Variants in TNXB observed in about 807,000 individuals in gnomAD.
TNXB encodes tenascin XB, also known as tenascin-X.
Under a neutral mutation model 340.5 loss-of-function variants are expected in TNXB, and 183 were observed. The observed-to-expected ratio is 0.54, with a 90% CI of 0.48 to 0.61. The LOEUF (loss-of-function observed/expected upper bound fraction) is 0.61, where lower values mean the gene tolerates loss of function less well. TNXB is among the 20% of genes least tolerant of loss of function. The probability of loss-of-function intolerance (pLI) is 0.00; values close to 1 mark genes in which losing one functional copy is unlikely to be tolerated. For missense variants in TNXB, 4,613 were observed against 5,446.4 expected (o/e 0.85, Z 4.82); for synonymous variants, 2,121 against 2,314.5 (o/e 0.92, Z 2.40).
Position 32,072,038 on chromosome 6 carries a change from T to TC in TNXB, c.4941dup (p.Ile1648AspfsTer21). 6.2e-7 allele frequency: 1 copy of TC among 1,609,962 alleles called. No individual in the cohort carries two copies. The highest frequency in any genetic ancestry group is 8.5e-7 in the Non-Finnish European group (1 of 1,178,118). ...GGGCTGCGTCGTTTCCCATCCTGGA[T>TC]CCCAAAGAGCAGGAACTTGTACTTG... On this transcript the variant is annotated frameshift_variant, in exon 13 of 44. Coordinates refer to ENST00000644971, the MANE Select transcript of TNXB (RefSeq NM_001365276.2). LOFTEE classifies it high-confidence loss of function. This position sits in a 1 kb window ranked among gnomAD's most constrained non-coding sequence, Gnocchi z 4.4.
Position 32,098,276 on chromosome 6 carries a change from C to T in TNXB, c.-8-70G>A, listed in dbSNP as rs571995194. The T allele has an allele frequency of 7.8e-6, 10 of 1,285,834 alleles. No homozygotes were observed. In the South Asian group the frequency reaches 1.6e-4, roughly 20 times the overall value. The allele number at this position is 1,285,834 out of a possible 1,614,324, so 79.7% of individuals were successfully genotyped here. On this transcript the variant is annotated intron_variant, in intron 1 of 43. Transcript: ENST00000644971. The stretch of plus-strand genomic sequence containing the variant: ...ACAAAATGAATCCCCCCTTCTCCAG[C>T]ACATACCCACGGTCCCACCACCCAC...
rs898473114 is a variant in TNXB at position 32,081,715 on chromosome 6, TG to T, written c.3737-43del. The T allele has an allele frequency of 1.4e-5, 20 of 1,451,770 alleles. No homozygotes were observed. The highest frequency in any genetic ancestry group is 1.2e-4 in the Admixed American group (6 of 48,146). The allele number at this position is 1,451,770 out of a possible 1,614,324, so 89.9% of individuals were successfully genotyped here. A position where few individuals can be genotyped will look rare whatever the true frequency, so the allele number is the denominator to read the frequency against. On this transcript the variant is annotated intron_variant, in intron 9 of 43. Coordinates refer to ENST00000644971, the MANE Select transcript of TNXB (RefSeq NM_001365276.2). The surrounding 1 kb of genome is among the most constrained non-coding windows in gnomAD (Gnocchi z 5.1). ...CCAGCCAGGTGCTGAACTGGCAGCCTGGGACTGGGGCTTGGGGTTTCGACGG... is the reference window on the plus strand; with the variant it reads ...CCAGCCAGGTGCTGAACTGGCAGCCTGGACTGGGGCTTGGGGTTTCGACGG...
rs763717570 is a variant in TNXB at position 32,082,339 on chromosome 6, G to C, written c.3446-13C>G. On this transcript the variant is annotated splice_polypyrimidine_tract_variant and intron_variant, in intron 8 of 43. Transcript: ENST00000644971. This position sits in a 1 kb window ranked among gnomAD's most constrained non-coding sequence, Gnocchi z 5.0. Reference sequence around the variant, plus strand: ...TCACTCTGAGGCACTAGGAAGAGTGGGTAGAGAGAAGGGAGAGACTTAGGT... The same window carrying C: ...TCACTCTGAGGCACTAGGAAGAGTGCGTAGAGAGAAGGGAGAGACTTAGGT... 1.3e-6 allele frequency: 2 copies of C among 1,578,460 alleles called. No individual in the cohort carries two copies. Among genetic ancestry groups the C allele is most frequent in the South Asian group, 2.3e-5 (2 of 87,052 alleles).
At position 32,049,990 on chromosome 6, in the gene TNXB, T is replaced by C. The variant is rs200282568; in HGVS notation, c.9439+8A>G. On this transcript the variant is annotated splice_region_variant and intron_variant, in intron 27 of 43. Coordinates refer to ENST00000644971, the MANE Select transcript of TNXB (RefSeq NM_001365276.2). The surrounding 1 kb of genome is among the most constrained non-coding windows in gnomAD (Gnocchi z 4.5). ...GCTCCCACCCTGGGGCTCCCATCAT[T>C]CACTCACCCGTCACCCCAATGGCAG... 837 of 1,612,744 alleles carry C rather than the reference T, an allele frequency of 5.2e-4. 3 individuals carry two copies. Among genetic ancestry groups the C allele is most frequent in the Middle Eastern group, 1.8e-3 (11 of 6,058 alleles).
At position 32,084,401 on chromosome 6, in the gene TNXB, G is replaced by A. The variant is rs1261563409; in HGVS notation, c.3445+12C>T. ...GCAGTACAGAGGGCAGGGTGTTACTGCTGTCACTCACAGATCTTGGCTTCA... is the reference window on the plus strand; with the variant it reads ...GCAGTACAGAGGGCAGGGTGTTACTACTGTCACTCACAGATCTTGGCTTCA... On this transcript the variant is annotated intron_variant, in intron 8 of 43. Coordinates refer to ENST00000644971, the MANE Select transcript of TNXB (RefSeq NM_001365276.2). This position sits in a 1 kb window ranked among gnomAD's most constrained non-coding sequence, Gnocchi z 5.5. 8 of 1,575,594 alleles carry A rather than the reference G, an allele frequency of 5.1e-6. No individual in the cohort carries two copies. The Admixed American group carries it at 8.5e-5, about 17-fold the overall frequency.
intron 3 of TNXB, 63 bp from the exon 4 acceptor site, chr6:32,095,254 C>G: frequency 7.8e-7 from 1 of 1,280,006 alleles, no homozygotes; most frequent in African/African-American, 1.5e-5. Context: ...CACCCACAGC[C>G]CCTTTTACTC....
Position 32,051,023 on chromosome 6 carries a change from G to A in TNXB, c.9116-702C>T, listed in dbSNP as rs930229832. Among the ~76,000 whole-genome samples, 6 of 152,076 alleles carry A rather than the reference G, an allele frequency of 3.9e-5. No individual in the cohort carries two copies. Among genetic ancestry groups the A allele is most frequent in the Admixed American group, 2.0e-4 (3 of 15,272 alleles). On this transcript the variant is annotated intron_variant, in intron 26 of 43. Coordinates refer to ENST00000644971, the MANE Select transcript of TNXB (RefSeq NM_001365276.2). The surrounding 1 kb of genome is among the most constrained non-coding windows in gnomAD (Gnocchi z 4.7). ...GGCCTCCTCTGCTCCCACACTTCAGGACTATCTATTCACTGCAAAGGACAC... is the reference window on the plus strand; with the variant it reads ...GGCCTCCTCTGCTCCCACACTTCAGAACTATCTATTCACTGCAAAGGACAC...
intron 1 of TNXB, among the ~76,000 whole-genome samples, chr6:32,099,396 C>G (rs1427206136): frequency 2.0e-5 from 3 of 152,090 alleles, no homozygotes; most frequent in African/African-American, 7.2e-5. Context: ...CCATGCCCAG[C>G]TAATTTTTGT....
In TNXB at chr6:32,042,465, C is replaced by T. The variant is rs1347099805; in HGVS notation, c.12200G>A (p.Gly4067Asp). The change falls in exon 40 of 44, where the codon GGC (glycine) becomes GAC (aspartate). Residue 4067 changes from glycine to aspartate, a missense_variant. Coordinates refer to ENST00000644971, the MANE Select transcript of TNXB (RefSeq NM_001365276.2). ...CCCAATGCCACCCACCAGCCAGCCG[C>T]CCCCATCAGTCTCCATGTCGCAAAA... ...NVFCDMETDGGGWLVFQRRMD... is the reference protein window; with the variant it reads ...NVFCDMETDGDGWLVFQRRMD... 3.1e-6 allele frequency: 5 copies of T among 1,612,224 alleles called. No homozygotes were observed. The highest frequency in any genetic ancestry group is 4.2e-6 in the Non-Finnish European group (5 of 1,179,904).
At chr6:32,077,440 T>G (rs1779140530) in intron 11 of TNXB, among the ~76,000 whole-genome samples, 1 of 152,272 alleles carries the variant, frequency 6.6e-6, no homozygotes, top group African/African-American at 2.4e-5. Context: ...TTCTCTACTT[T>G]TAATTTTTTA....
At position 32,058,531 on chromosome 6, in the gene TNXB, G is replaced by A. The variant is rs1204397957; in HGVS notation, c.7493-141C>T. 1.4e-6 allele frequency: 1 copy of A among 717,330 alleles called. No homozygotes were observed. Among genetic ancestry groups the A allele is most frequent in the South Asian group, 2.3e-5 (1 of 44,002 alleles). The allele number at this position is 717,330 out of a possible 1,614,324, so 44.4% of individuals were successfully genotyped here. A position where few individuals can be genotyped will look rare whatever the true frequency, so the allele number is the denominator to read the frequency against. Reference sequence around the variant, plus strand: ...GGGGCAGCTTTGTGTTCGCCGTTCAGTGACTCTTGGAATAAGAGCCGGTGA... The same window carrying A: ...GGGGCAGCTTTGTGTTCGCCGTTCAATGACTCTTGGAATAAGAGCCGGTGA... On this transcript the variant is annotated intron_variant, in intron 21 of 43. Coordinates refer to ENST00000644971, the MANE Select transcript of TNXB (RefSeq NM_001365276.2). This position sits in a 1 kb window ranked among gnomAD's most constrained non-coding sequence, Gnocchi z 5.1.
chr6:32,048,495 C>A lies in TNXB; in HGVS notation c.9913G>T (p.Ala3305Ser). 1 of 1,602,734 alleles carries A rather than the reference C, an allele frequency of 6.2e-7. No individual in the cohort carries two copies. Among genetic ancestry groups the A allele is most frequent in the Non-Finnish European group, 8.5e-7 (1 of 1,175,636 alleles). ...QYRDAQGQPQ[A>S]VPVSGDLRAV... is the part of the protein sequence containing the mutation. ...CGGAGGTCTCCGCTCACAGGCACTG[C>A]CTGGGGCTGCCCCTGCGCGTCCCTG... The change falls in exon 29 of 44, where the codon GCA (alanine) becomes TCA (serine). Residue 3305 changes from alanine (A) to serine (S), a missense_variant. This residue lies in a region of TNXB where 4,327 missense variants were observed against 4,859.4 expected (regional missense o/e 0.89). Coordinates refer to ENST00000644971, the MANE Select transcript of TNXB (RefSeq NM_001365276.2).
Position 32,108,904 on chromosome 6 carries a change from C to T in TNXB, c.-9+277G>A, listed in dbSNP as rs1781109522. Among the ~76,000 whole-genome samples the T allele has an allele frequency of 1.3e-5, 2 of 152,172 alleles. No individual in the cohort carries two copies. The highest frequency in any genetic ancestry group is 1.3e-4 in the Admixed American group (2 of 15,286). ...CCACCATCTGACTCCCGGAGTCCCT[C>T]GGTTTGTTCCCAGCCCCTCTCAGTT... On this transcript the variant is annotated intron_variant, in intron 1 of 43. Coordinates refer to ENST00000644971, the MANE Select transcript of TNXB (RefSeq NM_001365276.2). The surrounding 1 kb of genome is among the most constrained non-coding windows in gnomAD (Gnocchi z 4.8).
At position 32,069,953 on chromosome 6, in the gene TNXB, C is replaced by G. The variant is rs1163625045; in HGVS notation, c.5279-92G>C. ...AGGATTGAGAGGTCTGGAGACAGGG[C>G]TTTGCGTGGCTGAGTCCTGCCGGGC... On this transcript the variant is annotated intron_variant, in intron 14 of 43. Transcript: ENST00000644971. This position sits in a 1 kb window ranked among gnomAD's most constrained non-coding sequence, Gnocchi z 6.2. 7.1e-6 allele frequency: 10 copies of G among 1,404,414 alleles called. No homozygotes were observed. The highest frequency in any genetic ancestry group is 2.9e-5 in the African/African-American group (2 of 69,740). 87.0% of individuals were successfully genotyped at this position (1,404,414 alleles called of 1,614,324 possible). A position where few individuals can be genotyped will look rare whatever the true frequency, so the allele number is the denominator to read the frequency against.
Position 32,096,055 on chromosome 6 carries a change from A to T in TNXB, c.1798T>A (p.Cys600Ser). The T allele has an allele frequency of 1.2e-6, 2 of 1,613,122 alleles. No homozygotes were observed. Among genetic ancestry groups the T allele is most frequent in the Non-Finnish European group, 1.7e-6 (2 of 1,179,764 alleles). ...CAACAGATGCACACACCGTCCTGGC[A>T]CACGCCGTGCTGGCTGCAGTCATTC... The part of the protein sequence containing the change: ...CPNDCSQHGV[C>S]QDGVCICWEG... The change falls in exon 3 of 44, where the codon TGC becomes AGC. Residue 600 changes from cysteine to serine, a missense_variant. By Grantham distance (112) the Cys-to-Ser change is moderately radical (BLOSUM62 -1). Coordinates refer to ENST00000644971, the MANE Select transcript of TNXB (RefSeq NM_001365276.2).
Position 32,049,487 on chromosome 6 carries a change from G to C in TNXB, c.9540C>G (p.Asp3180Glu). The change falls in exon 28 of 44, where the codon GAC becomes GAG. Residue 3180 changes from aspartate to glutamate, a missense_variant. Asp to Glu is a conservative substitution (Grantham distance 45). This residue lies in a region of TNXB where 4,327 missense variants were observed against 4,859.4 expected (regional missense o/e 0.89). Transcript: ENST00000644971. The surrounding 1 kb of genome is among the most constrained non-coding windows in gnomAD (Gnocchi z 4.5). The stretch of plus-strand genomic sequence containing the variant: ...GGACGGTCCAGGAGAGGCTCAGCGA[G>C]TCAGGGGAGGATCCTGTCACTGTCA... The part of the protein sequence containing the change: ...GELTVTGSSP[D>E]SLSLSWTVPQ... 2 of 1,612,612 alleles carry C rather than the reference G, an allele frequency of 1.2e-6. No homozygotes were observed. The highest frequency in any genetic ancestry group is 1.8e-4 in the Middle Eastern group (1 of 5,530).
chr6:32,079,072 C>T lies in TNXB; in HGVS notation c.4336G>A (p.Gly1446Arg), dbSNP rs1779279102. 1 of 1,613,328 alleles carries T rather than the reference C, an allele frequency of 6.2e-7. No individual in the cohort carries two copies. Among genetic ancestry groups the T allele is most frequent in the Admixed American group, 1.7e-5 (1 of 59,986 alleles). Residue 1446 changes from glycine (G) to arginine (R), a missense_variant, in exon 11 of 44, where the codon GGG becomes AGG. Gly to Arg is a moderately radical substitution (Grantham distance 125). Coordinates refer to ENST00000644971, the MANE Select transcript of TNXB (RefSeq NM_001365276.2). This position sits in a 1 kb window ranked among gnomAD's most constrained non-coding sequence, Gnocchi z 7.1. Reference protein sequence around the residue: ...YKMHLYGLHEGQRVGPVSAVG... With the variant: ...YKMHLYGLHERQRVGPVSAVG... The stretch of plus-strand genomic sequence containing the variant: ...GCGGACACCGGGCCCACGCGCTGCC[C>T]CTCGTGGAGGCCGTACAGGTGCATC...
rs878879249 is a variant in TNXB, at chr6:32,067,132, G to GAAGGAAGAAAGAAAGAAAGAAAGA, written c.6544+528_6544+529insTCTTTCTTTCTTTCTTTCTTCCTT. Among the ~76,000 whole-genome samples, 217 of 118,060 alleles carry GAAGGAAGAAAGAAAGAAAGAAAGA rather than the reference G, an allele frequency of 1.8e-3. No homozygotes were observed. The highest frequency in any genetic ancestry group is 3.8e-3 in the African/African-American group (116 of 30,496). The allele number at this position is 118,060 out of a possible 152,430, so 77.5% of individuals were successfully genotyped here. On this transcript the variant is annotated intron_variant, in intron 18 of 43. Coordinates refer to ENST00000644971, the MANE Select transcript of TNXB (RefSeq NM_001365276.2). The surrounding 1 kb of genome is among the most constrained non-coding windows in gnomAD (Gnocchi z 4.2). ...AAGAAAGAGAAAGAAAGAAAGGAAG[G>GAAGGAAGAAAGAAAGAAAGAAAGA]AAGAAAGAAAGAAAGAAAGAAAGAA...
At position 32,062,305 on chromosome 6, in the gene TNXB, C is replaced by T. The variant is rs1043551897; in HGVS notation, c.7020G>A (p.Gly2340=). ...FDHFLVQYKN[G]DGQPKATRVP... ...CCCGTGTTGCCTTGGGCTGCCCATC[C>T]CCATTCTTGTACTGGACCAGGAAGT... Residue 2340 remains glycine (G), a synonymous_variant, in exon 20 of 44, where the codon GGG becomes GGA. Coordinates refer to ENST00000644971, the MANE Select transcript of TNXB (RefSeq NM_001365276.2). This position sits in a 1 kb window ranked among gnomAD's most constrained non-coding sequence, Gnocchi z 4.3. 4 of 1,613,360 alleles carry T rather than the reference C, an allele frequency of 2.5e-6. No individual in the cohort carries two copies. Among genetic ancestry groups the T allele is most frequent in the South Asian group, 1.1e-5 (1 of 91,082 alleles).
Sources: allele counts gnomAD v4.1 joint callset (sites outside exome capture counted in the v4.1 genomes callset), GRCh38; gene constraint gnomAD v4.1.1; regional missense constraint gnomAD v4.1.1; non-coding constraint Gnocchi (gnomAD v3.1); transcripts MANE v1.5; gene names NCBI Gene and HGNC (gene_info 2026-07-23, HGNC 2026-07-21).